Variants in ATP9B observed in about 807,000 individuals in gnomAD.
ATP9B encodes ATPase phospholipid transporting 9B.
Under a neutral mutation model 146.1 loss-of-function variants are expected in ATP9B, and 110 were observed. That is an observed-to-expected ratio of 0.75 (90% CI 0.65 to 0.88). The LOEUF (loss-of-function observed/expected upper bound fraction) is 0.88. Ranked by LOEUF, ATP9B falls within the 40% of genes least tolerant of loss-of-function variation. The probability of loss-of-function intolerance (pLI) is 0.00; values close to 1 mark genes in which losing one functional copy is unlikely to be tolerated. For synonymous variants in ATP9B, 604 were observed against 569.7 expected, an observed-to-expected ratio of 1.06 and a Z score of -0.86; for missense variants, 1,499 against 1,496.4, an observed-to-expected ratio of 1.00 and a Z score of -0.03.
At chr18:79,327,833 T>C (rs1265641891) in intron 15 of ATP9B, among the ~76,000 whole-genome samples, 3 of 125,696 alleles carry the variant, frequency 2.4e-5, no homozygotes, top group African/African-American at 9.7e-5. Flanking sequence ...GTTAGTGTGT[T>C]CTCCGTGGTT....
chr18:79,130,423 G>GA (rs35954284), intron 5 of ATP9B, among the ~76,000 whole-genome samples: 83,328 of 148,024 alleles, frequency 0.56, 24,821 homozygotes, highest in African/African-American at 0.78. Context: ...GAAAGAATGG[G>GA]AAAAAAAAAA....
intron 25 of ATP9B, chr18:79,353,559 C>T (rs949752281): frequency 1.3e-5 from 2 of 152,224 alleles, no homozygotes; most frequent in African/African-American, 4.8e-5. Flanking sequence ...GAGACCCACT[C>T]GCAGAGAGCG....
chr18:79,173,789 C>G, intron 7 of ATP9B: 1 of 455,402 alleles, frequency 2.2e-6, no homozygotes, highest in South Asian at 1.6e-5. Context: ...CTTTTTCCCC[C>G]ACATTGTTTT....
At chr18:79,166,826 C>A (rs1235479308) in intron 7 of ATP9B, among the ~76,000 whole-genome samples, 1 of 152,166 alleles carries the variant, frequency 6.6e-6, no homozygotes, top group Non-Finnish European at 1.5e-5. Context: ...GCCCAGCAGG[C>A]TTTGCTTAGC....
At chr18:79,118,390 GTTTTTTTTTTTTTTT>G (rs752788043) in intron 4 of ATP9B, among the ~76,000 whole-genome samples, 46 of 93,240 alleles carry the variant, frequency 4.9e-4, no homozygotes, top group Middle Eastern at 6.6e-3. Context: ...GAACGTTTTT[GTTTTTTTTTTTTTTT>G]TTTTTTTTTT....
chr18:79,235,882 C>T (rs1190801875), intron 11 of ATP9B, among the ~76,000 whole-genome samples: 1 of 152,108 alleles, frequency 6.6e-6, no homozygotes, highest in African/African-American at 2.4e-5. Flanking sequence ...TAATTGTATG[C>T]AGCCACGGAT....
intron 9 of ATP9B, among the ~76,000 whole-genome samples, chr18:79,204,843 A>G (rs1214886751): frequency 1.3e-5 from 2 of 152,194 alleles, no homozygotes; most frequent in East Asian, 3.9e-4. Context: ...ACTTGTGCCT[A>G]CTGAGATCAT....
chr18:79,285,038 G>A (rs1459225666), intron 13 of ATP9B, among the ~76,000 whole-genome samples: 3 of 151,782 alleles, frequency 2.0e-5, no homozygotes, highest in African/African-American at 7.3e-5. Context: ...CATTTGGGTT[G>A]GTTCCAAGTC....
intron 2 of ATP9B, among the ~76,000 whole-genome samples, chr18:79,109,042 C>T (rs1359803825): frequency 1.3e-5 from 2 of 152,146 alleles, no homozygotes; most frequent in Non-Finnish European, 2.9e-5. Context: ...ATGTGTCAGC[C>T]TCATTTTGTA....
chr18:79,353,000 G>A (rs991217529), intron 25 of ATP9B: 1 of 152,220 alleles, frequency 6.6e-6, no homozygotes, highest in African/African-American at 2.4e-5. Context: ...CACAAAAGAA[G>A]ACATAAGAAT....
At chr18:79,282,224 T>C (rs2096385172) in intron 13 of ATP9B, among the ~76,000 whole-genome samples, 1 of 152,216 alleles carries the variant, frequency 6.6e-6, no homozygotes, top group Non-Finnish European at 1.5e-5. Flanking sequence ...ATGAATGTTG[T>C]TGAAGTGACA....
At chr18:79,107,458 G>T (rs1387520732) in intron 2 of ATP9B, among the ~76,000 whole-genome samples, 7 of 152,148 alleles carry the variant, frequency 4.6e-5, no homozygotes, top group African/African-American at 1.7e-4. Context: ...TGGGAGGAGG[G>T]TGACCTTTTG....
At chr18:79,098,069 CT>C (rs1236369561) in intron 2 of ATP9B, among the ~76,000 whole-genome samples, 1 of 149,118 alleles carries the variant, frequency 6.7e-6, no homozygotes, top group African/African-American at 2.5e-5. Context: ...GAACAGAGCC[CT>C]CAGAAATAAC....
intron 13 of ATP9B, among the ~76,000 whole-genome samples, chr18:79,298,546 T>G (rs2096568855): frequency 6.8e-6 from 1 of 146,928 alleles, no homozygotes; most frequent in African/African-American, 2.5e-5. Flanking sequence ...GATATTCAGT[T>G]TAATTCAGTT....
chr18:79,366,529 G>GT (rs1281698489), intron 26 of ATP9B, among the ~76,000 whole-genome samples: 1 of 152,236 alleles, frequency 6.6e-6, no homozygotes, highest in African/African-American at 2.4e-5. Flanking sequence ...ATTTCTCCCT[G>GT]TTAGCGATGA....
chr18:79,328,373 T>C (rs1194574537), intron 15 of ATP9B, among the ~76,000 whole-genome samples: 1 of 152,256 alleles, frequency 6.6e-6, no homozygotes, highest in Non-Finnish European at 1.5e-5. Context: ...TAAAAATTGC[T>C]CTTCCACTTG....
At position 79,298,359 on chromosome 18, in the gene ATP9B, A is replaced by G. The variant is rs529633589; in HGVS notation, c.1412-5245A>G. Among the ~76,000 whole-genome samples, 54 of 146,452 alleles carry G rather than the reference A, an allele frequency of 3.7e-4. 5 individuals are homozygous for G. The highest frequency in any genetic ancestry group is 6.7e-4 in the Non-Finnish European group (44 of 66,060). On this transcript the variant is annotated intron_variant, in intron 13 of 29. Coordinates refer to ENST00000426216, the MANE Select transcript of ATP9B (RefSeq NM_198531.5). ...TGAGATGAAAAGTACGGTGCCGTTT[A>G]TAATTCCTTGAAAAAAGCGCGGTAC...
At chr18:79,289,107 C>T (rs2146073278) in intron 13 of ATP9B, among the ~76,000 whole-genome samples, 1 of 152,214 alleles carries the variant, frequency 6.6e-6, no homozygotes, top group African/African-American at 2.4e-5. Context: ...AGTTGCTCTT[C>T]TCGAGGAGTA....
chr18:79,240,161 C>A (rs2095875422), intron 11 of ATP9B, among the ~76,000 whole-genome samples: 1 of 152,198 alleles, frequency 6.6e-6, no homozygotes. Flanking sequence ...CTCAATATTC[C>A]CCTCTGTTAA....
Sources: gnomAD v4.1 joint callset for allele counts (sites outside exome capture counted in the v4.1 genomes callset) on GRCh38, gnomAD v4.1.1 for gene constraint, MANE v1.5 for transcripts, NCBI Gene and HGNC (gene_info 2026-07-23, HGNC 2026-07-21) for gene names.